CEMIP2: variants seen among roughly 807,000 people sequenced by gnomAD.
CEMIP2 encodes the protein cell surface hyaluronidase CEMIP2.
Under a neutral mutation model 146.9 loss-of-function variants are expected in CEMIP2, and 79 were observed. That is an observed-to-expected ratio of 0.54 (90% confidence interval 0.45 to 0.65). CEMIP2 has a LOEUF of 0.65. CEMIP2 is among the 30% of genes least tolerant of loss of function. The probability of loss-of-function intolerance (pLI) is 0.00; values close to 1 mark genes in which losing one functional copy is unlikely to be tolerated. For synonymous variants in CEMIP2, 601 were observed against 606.3 expected, an observed-to-expected ratio of 0.99 and a Z score of 0.13; for missense variants, 1,596 against 1,696.2, an observed-to-expected ratio of 0.94 and a Z score of 1.04.
Position 71,750,182 on chromosome 9 carries a change from A to G in CEMIP2, c.192T>C (p.Pro64=), listed in dbSNP as rs1452734092. The change falls in exon 2 of 24, where the codon CCT becomes CCC. Residue 64 remains proline, a synonymous_variant. Coordinates refer to ENST00000377044, the MANE Select transcript of CEMIP2 (RefSeq NM_013390.3). ...REDRATFAFS[P]EEQQAQRESQ... ...TTTCTCTCTGGGCTTGCTGTTCTTC[A>G]GGTGAGAATGCGAAGGTTGCCCGGT... The G allele has an allele frequency of 1.2e-6, 2 of 1,614,174 alleles. No individual in the cohort carries two copies. The highest frequency in any genetic ancestry group is 8.5e-7 in the Non-Finnish European group (1 of 1,180,018).
intron 21 of CEMIP2, among the ~76,000 whole-genome samples, chr9:71,694,057 T>G (rs1822310543): frequency 6.6e-6 from 1 of 152,208 alleles, no homozygotes; most frequent in Admixed American, 6.5e-5. Flanking sequence ...CCTTGGACTT[T>G]CCAGCCTCCA....
intron 4 of CEMIP2, among the ~76,000 whole-genome samples, chr9:71,744,518 C>T (rs1179119758): frequency 6.6e-6 from 1 of 152,078 alleles, no homozygotes; most frequent in African/African-American, 2.4e-5. Flanking sequence ...ATCAAACATG[C>T]AGATTCCAAT....
rs1564023033 is a variant in CEMIP2 at position 71,746,321 on chromosome 9, G to A, written c.352C>T (p.Pro118Ser). 1 of 1,613,782 alleles carries A rather than the reference G, an allele frequency of 6.2e-7. No homozygotes were observed. Among genetic ancestry groups the A allele is most frequent in the Non-Finnish European group, 8.5e-7 (1 of 1,179,850 alleles). Reference sequence around the variant, plus strand: ...CCTGGATCCCAATTCCTGAGACGAGGATTTTGATCTGGGCAATTTTCTATA... The same window carrying A: ...CCTGGATCCCAATTCCTGAGACGAGAATTTTGATCTGGGCAATTTTCTATA... ...APDENCPDQN[P>S]RLRNWDPGQD... is the part of the protein sequence containing the mutation. The change falls in exon 3 of 24, where the codon CCT becomes TCT. Residue 118 changes from proline (P) to serine (S), a missense_variant. Transcript: ENST00000377044.
rs989768348 is a variant in CEMIP2, at chr9:71,709,952, C to T, written c.2770-478G>A. Among the ~76,000 whole-genome samples, 25 of 152,128 alleles carry T rather than the reference C, an allele frequency of 1.6e-4. 1 individual carries two copies. The highest frequency in any genetic ancestry group is 4.1e-4 in the South Asian group (2 of 4,822). On this transcript the variant is annotated intron_variant, in intron 16 of 23. Coordinates refer to ENST00000377044, the MANE Select transcript of CEMIP2 (RefSeq NM_013390.3). ...TAAGTTATCTTCAGAGCTAGTTAAT[C>T]ATTTTATCTCCAAATGCTTCAGTTA...
chr9:71,712,443 G>A, intron 15 of CEMIP2, 183 bp from the exon 16 acceptor site: 2 of 585,246 alleles, frequency 3.4e-6, no homozygotes, highest in Non-Finnish European at 6.0e-6. Flanking sequence ...AAGACAAACA[G>A]AAAAACAAAG....
intron 17 of CEMIP2, among the ~76,000 whole-genome samples, chr9:71,706,017 T>A (rs923784679): frequency 5.9e-5 from 9 of 151,838 alleles, no homozygotes; most frequent in African/African-American, 1.9e-4. Flanking sequence ...TCCCTGGCGG[T>A]CAGGAGTTCG....
At chr9:71,701,208 C>T (rs896497268) in intron 18 of CEMIP2, among the ~76,000 whole-genome samples, 2 of 152,122 alleles carry the variant, frequency 1.3e-5, no homozygotes, top group African/African-American at 4.8e-5. Flanking sequence ...CAGGTTCAAG[C>T]AATTGTCCTG....
intron 10 of CEMIP2, 49 bp downstream of exon 10, chr9:71,729,796 T>A: frequency 1.3e-6 from 2 of 1,571,852 alleles, no homozygotes; most frequent in Non-Finnish European, 1.8e-6. Flanking sequence ...AGACTATTTA[T>A]AAACAAGAAA....
chr9:71,690,374 T>C (rs774784766), intron 21 of CEMIP2, 128 bp from the exon 22 acceptor site: 53 of 1,216,100 alleles, frequency 4.4e-5, no homozygotes, highest in Non-Finnish European at 5.7e-5. Flanking sequence ...AAGATTCAAA[T>C]TGTGTGCTTC....
At chr9:71,723,319 G>A (rs1013090160) in intron 11 of CEMIP2, among the ~76,000 whole-genome samples, 1 of 149,840 alleles carries the variant, frequency 6.7e-6, no homozygotes, top group Admixed American at 6.7e-5. Flanking sequence ...AAAAAACACT[G>A]TAGCTATAAA....
intron 5 of CEMIP2, among the ~76,000 whole-genome samples, chr9:71,735,528 T>C (rs1003702233): frequency 6.6e-6 from 1 of 152,178 alleles, no homozygotes; most frequent in African/African-American, 2.4e-5. Flanking sequence ...GGTTCACACC[T>C]GTAATCCCAG....
At chr9:71,749,942 T>C in intron 2 of CEMIP2, 101 bp downstream of exon 2, 1 of 1,004,638 alleles carries the variant, frequency 1.0e-6, no homozygotes, top group Non-Finnish European at 1.4e-6. Flanking sequence ...ACATATTAGT[T>C]AGCTAGGGCC....
chr9:71,691,083 A>G (rs964517626), intron 21 of CEMIP2, among the ~76,000 whole-genome samples: 3 of 152,234 alleles, frequency 2.0e-5, no homozygotes, highest in African/African-American at 7.2e-5. Context: ...TGGGGAAATT[A>G]TAATATTTAA....
At position 71,719,842 on chromosome 9, in the gene CEMIP2, CAAAAAAAA is replaced by C. The variant is rs34555277; in HGVS notation, c.2268-1771_2268-1764del. Among the ~76,000 whole-genome samples the C allele has an allele frequency of 4.3e-5, 4 of 93,196 alleles. No homozygotes were observed. The East Asian group carries it at 1.6e-3, about 36-fold the overall frequency. 61.1% of individuals were successfully genotyped at this position (93,196 alleles called of 152,430 possible). A position where few individuals can be genotyped will look rare whatever the true frequency, so the allele number is the denominator to read the frequency against. On this transcript the variant is annotated intron_variant, in intron 12 of 23. Coordinates refer to ENST00000377044, the MANE Select transcript of CEMIP2 (RefSeq NM_013390.3). Reference sequence around the variant, plus strand: ...GGAGACATACTGTTCTAAACGAAAGCAAAAAAAAAAAAAAAAAAAGAGTACTATAAGGC... The same window carrying C: ...GGAGACATACTGTTCTAAACGAAAGCAAAAAAAAAAAGAGTACTATAAGGC...
At chr9:71,730,620 A>T in intron 8 of CEMIP2, 85 bp downstream of exon 8, 2 of 1,380,340 alleles carry the variant, frequency 1.4e-6, no homozygotes, top group Non-Finnish European at 2.0e-6. Flanking sequence ...TAAACAGTTT[A>T]CATATATAAA....
At chr9:71,750,931 G>A (rs1366623212) in intron 1 of CEMIP2, among the ~76,000 whole-genome samples, 1 of 151,932 alleles carries the variant, frequency 6.6e-6, no homozygotes, top group African/African-American at 2.4e-5. Flanking sequence ...ATTTTTTGTA[G>A]AGATGGGATC....
At chr9:71,729,099 C>G (rs994077526) in intron 10 of CEMIP2, among the ~76,000 whole-genome samples, 26 of 152,080 alleles carry the variant, frequency 1.7e-4, no homozygotes, top group Non-Finnish European at 3.2e-4. Context: ...CTCGGCCTCC[C>G]AAAGTGCTGG....
chr9:71,732,764 C>T (rs917227256), intron 6 of CEMIP2, among the ~76,000 whole-genome samples: 2 of 127,042 alleles, frequency 1.6e-5, no homozygotes, highest in Non-Finnish European at 3.1e-5. Flanking sequence ...TGGAGTGCAG[C>T]GGCATGATCT....
chr9:71,732,443 T>G lies in CEMIP2; in HGVS notation c.1471A>C (p.Asn491His). Residue 491 changes from asparagine to histidine, a missense_variant, in exon 7 of 24, where the codon AAT (asparagine) becomes CAT (histidine). By Grantham distance (68) the Asn-to-His change is moderately conservative (BLOSUM62 1). Transcript: ENST00000377044. ...MRAEVGILTR[N>H]IVIQGEVEDS... ...TCCACTTCTCCTTGGATCACAATAT[T>G]CCGGGTAAGAATTCCAACCTCAGCT... 1 of 1,614,048 alleles carries G rather than the reference T, an allele frequency of 6.2e-7. No homozygotes were observed. The highest frequency in any genetic ancestry group is 8.5e-7 in the Non-Finnish European group (1 of 1,180,016).
Sources: allele counts gnomAD v4.1 joint callset (sites outside exome capture counted in the v4.1 genomes callset), GRCh38; gene constraint gnomAD v4.1.1; transcripts MANE v1.5; gene names NCBI Gene and HGNC (gene_info 2026-07-23, HGNC 2026-07-21).